The following VPS13D variants were observed in gnomAD, a reference collection of about 807,000 sequenced individuals.
The protein encoded by VPS13D is intermembrane lipid transfer protein VPS13D.
In VPS13D, 187 loss-of-function variants were observed where a neutral mutation model predicts 461.9. That is an observed-to-expected ratio of 0.40 (90% CI 0.36 to 0.46). The LOEUF is 0.46. Ranked by LOEUF, VPS13D falls within the 20% of genes least tolerant of loss-of-function variation. The pLI, the probability that VPS13D is intolerant of heterozygous loss-of-function variation, is 0.60. For missense variants in VPS13D, 4,711 were observed against 5,364.9 expected, an observed-to-expected ratio of 0.88 and a Z score of 3.81; for synonymous variants, 1,951 against 1,986.3, an observed-to-expected ratio of 0.98 and a Z score of 0.47.
chr1:12,319,720 G>C, intron 32 of VPS13D, 90 bp downstream of exon 32: 16 of 1,573,060 alleles, frequency 1.0e-5, no homozygotes, highest in Non-Finnish European at 1.2e-5. Flanking sequence ...ACTTTCATGA[G>C]GGGAAGGAAT....
intron 30 of VPS13D, among the ~76,000 whole-genome samples, chr1:12,315,485 G>A (rs528910088): frequency 1.3e-5 from 2 of 152,322 alleles, no homozygotes; most frequent in South Asian, 2.1e-4. Flanking sequence ...CCTGCCATGA[G>A]CCAGGCACTT....
At position 12,254,063 on chromosome 1, in the gene VPS13D, C is replaced by T. The variant is rs1640828350; in HGVS notation, c.669+237C>T. Among the ~76,000 whole-genome samples the T allele has an allele frequency of 2.0e-5, 3 of 152,146 alleles. No homozygotes were observed. In the South Asian group the frequency reaches 6.2e-4, roughly 32 times the overall value. Reference sequence around the variant, plus strand: ...TAAATTTATACTAGACTATAGTTTTCTTTGGTTTATTTTATTCAGTGAAAG... The same window carrying T: ...TAAATTTATACTAGACTATAGTTTTTTTTGGTTTATTTTATTCAGTGAAAG... On this transcript the variant is annotated intron_variant, in intron 7 of 69. Transcript: ENST00000620676.
chr1:12,323,127 T>C (rs1643082805), intron 34 of VPS13D, among the ~76,000 whole-genome samples: 1 of 152,208 alleles, frequency 6.6e-6, no homozygotes, highest in Non-Finnish European at 1.5e-5. Flanking sequence ...TGGAGAGCAG[T>C]GGTGTGATCA....
intron 67 of VPS13D, among the ~76,000 whole-genome samples, chr1:12,488,327 C>T (rs550432274): frequency 2.0e-5 from 3 of 152,276 alleles, no homozygotes; most frequent in African/African-American, 7.2e-5. Flanking sequence ...ACATTATCAA[C>T]CAAGTAGGTA....
intron 62 of VPS13D, among the ~76,000 whole-genome samples, chr1:12,402,377 T>C (rs1014914495): frequency 2.6e-5 from 4 of 152,192 alleles, no homozygotes; most frequent in East Asian, 3.8e-4. Context: ...TGTATACAGC[T>C]TAGAAAAAAG....
At chr1:12,233,348 T>G (rs1345068620) in intron 1 of VPS13D, among the ~76,000 whole-genome samples, 1 of 152,238 alleles carries the variant, frequency 6.6e-6, no homozygotes, top group African/African-American at 2.4e-5. Context: ...CGGCATTTTC[T>G]GTCTTAATCT....
chr1:12,242,317 T>A (rs1390054473), intron 2 of VPS13D, among the ~76,000 whole-genome samples, 196 bp from the exon 3 acceptor site: 4 of 152,188 alleles, frequency 2.6e-5, no homozygotes, highest in African/African-American at 9.7e-5. Context: ...ACACATGATA[T>A]AGCCTGTTCT....
intron 26 of VPS13D, among the ~76,000 whole-genome samples, 193 bp downstream of exon 26, chr1:12,304,921 TGTAAA>T (rs1420138581): frequency 6.6e-6 from 1 of 152,044 alleles, no homozygotes; most frequent in African/African-American, 2.4e-5. Flanking sequence ...TTGGATGACT[TGTAAA>T]GTAGGGTTAA....
intron 65 of VPS13D, among the ~76,000 whole-genome samples, chr1:12,441,405 C>T (rs888829390): frequency 7.2e-5 from 11 of 152,058 alleles, no homozygotes; most frequent in African/African-American, 1.9e-4. Context: ...AAAGCATGGA[C>T]GCCAGCTTTT....
intron 67 of VPS13D, among the ~76,000 whole-genome samples, chr1:12,486,801 C>T (rs1243593861): frequency 2.6e-5 from 4 of 152,218 alleles, no homozygotes; most frequent in Non-Finnish European, 4.4e-5. Context: ...ACGTCTGGCT[C>T]CCCTGCACCC....
Position 12,242,525 on chromosome 1 carries a change from T to C in VPS13D, c.110T>C (p.Leu37Ser), listed in dbSNP as rs1437147930. 6.2e-7 allele frequency: 1 copy of C among 1,614,072 alleles called. No homozygotes were observed. The highest frequency in any genetic ancestry group is 1.7e-5 in the Admixed American group (1 of 60,026). The stretch of plus-strand genomic sequence containing the variant: ...TTTTTATTTTTAGGTGCTGTTGAAT[T>C]AGAAAACTTGCCATTAAAGAAAGAT... The part of the protein sequence containing the change: ...SVALLKGAVE[L>S]ENLPLKKDAL... The change falls in exon 3 of 70, where the codon TTA becomes TCA. Residue 37 changes from leucine (L) to serine (S), a missense_variant. By Grantham distance (145) the Leu-to-Ser change is moderately radical. Around this residue, in one of 3 missense-constraint regions of VPS13D, gnomAD observed 4,411 missense variants for 4,937.8 expected, o/e 0.89. Coordinates refer to ENST00000620676, the MANE Select transcript of VPS13D (RefSeq NM_015378.4).
chr1:12,383,386 T>TA (rs1012622730), intron 58 of VPS13D, among the ~76,000 whole-genome samples: 1 of 152,178 alleles, frequency 6.6e-6, no homozygotes, highest in African/African-American at 2.4e-5. Flanking sequence ...TGTGGTAACC[T>TA]AAAAAAGTAT....
intron 67 of VPS13D, among the ~76,000 whole-genome samples, chr1:12,490,389 T>C (rs545956127): frequency 1.3e-5 from 2 of 152,376 alleles, no homozygotes; most frequent in Admixed American, 6.5e-5. Context: ...CTTGAAACCT[T>C]GGGGAAGAAT....
intron 63 of VPS13D, among the ~76,000 whole-genome samples, chr1:12,406,617 C>G (rs1372525701): frequency 6.6e-6 from 1 of 152,182 alleles, no homozygotes; most frequent in Non-Finnish European, 1.5e-5. Flanking sequence ...ATTCCTTACT[C>G]TGCGGTGGAA....
intron 2 of VPS13D, among the ~76,000 whole-genome samples, chr1:12,239,703 C>T (rs1399159898): frequency 6.6e-6 from 1 of 152,150 alleles, no homozygotes; most frequent in Non-Finnish European, 1.5e-5. Context: ...TTTAAATAAC[C>T]TGGAGCAGCG....
At position 12,275,853 on chromosome 1, in the gene VPS13D, G is replaced by A; in HGVS notation, c.2265G>A (p.Gly755=). ...ACTCCAGGAGGAAAAGTAGGGATGG[G>A]TCAGCATCTGAAGAGACCCAGTTTA... ...QDNSRRKSRD[G]SASEETQFSD... is the part of the protein sequence containing the mutation. The change falls in exon 19 of 70, where the codon GGG becomes GGA. Residue 755 remains glycine, a synonymous_variant. Transcript: ENST00000620676. The A allele has an allele frequency of 3.1e-6, 5 of 1,603,670 alleles. No individual in the cohort carries two copies. Among genetic ancestry groups the A allele is most frequent in the Non-Finnish European group, 4.3e-6 (5 of 1,175,244 alleles).
chr1:12,506,763 GC>G (rs1315173499), intron 68 of VPS13D, 89 bp from the exon 69 acceptor site: 2 of 1,522,888 alleles, frequency 1.3e-6, no homozygotes, highest in Non-Finnish European at 1.8e-6. Context: ...TCGCACTCAG[GC>G]CCTGGGGCCA....
chr1:12,378,644 C>G (rs145926417), intron 56 of VPS13D, 53 bp downstream of exon 56: 1 of 1,434,262 alleles, frequency 7.0e-7, no homozygotes, highest in Non-Finnish European at 9.2e-7. Flanking sequence ...AATTCAGACT[C>G]AGAGGAAATC....
chr1:12,256,601 A>G (rs1312506616), intron 8 of VPS13D, 98 bp downstream of exon 8: 3 of 1,347,326 alleles, frequency 2.2e-6, no homozygotes, highest in African/African-American at 2.9e-5. Flanking sequence ...AAGAAAGTTC[A>G]TGTGAGACCA....
Sources: allele counts gnomAD v4.1 joint callset (sites outside exome capture counted in the v4.1 genomes callset), GRCh38; gene constraint gnomAD v4.1.1; regional missense constraint gnomAD v4.1.1; transcripts MANE v1.5; gene names NCBI Gene and HGNC (gene_info 2026-07-23, HGNC 2026-07-21).